Variants in CASQ2 observed in about 807,000 individuals in gnomAD.
CASQ2 encodes calsequestrin 2.
In CASQ2, 49 loss-of-function variants were observed where a neutral mutation model predicts 46.5. The observed-to-expected ratio is 1.05, with a 90% CI of 0.84 to 1.34. CASQ2 has a LOEUF of 1.34. Ranked by LOEUF, CASQ2 falls within the 40% of genes most tolerant of loss-of-function variation. The pLI, the probability that CASQ2 is intolerant of heterozygous loss-of-function variation, is 0.00. For synonymous variants in CASQ2, 174 were observed against 168.5 expected (o/e 1.03, Z -0.25); for missense variants, 486 against 481.3 (o/e 1.01, Z -0.09).
chr1:115,719,055 A>T (rs986103390), intron 7 of CASQ2, among the ~76,000 whole-genome samples: 1 of 152,108 alleles, frequency 6.6e-6, no homozygotes, highest in African/African-American at 2.4e-5. Context: ...CTCTGTTTCC[A>T]TTTCAATTGA....
chr1:115,735,568 T>C (rs1647928182), intron 4 of CASQ2, among the ~76,000 whole-genome samples: 1 of 152,228 alleles, frequency 6.6e-6, no homozygotes, highest in South Asian at 2.1e-4. Flanking sequence ...GAGGTTAAAA[T>C]GATTCACTAG....
At chr1:115,701,624 T>G (rs575544843) in intron 10 of CASQ2, among the ~76,000 whole-genome samples, 198 bp from the exon 11 acceptor site, 1 of 152,248 alleles carries the variant, frequency 6.6e-6, no homozygotes, top group Non-Finnish European at 1.5e-5. Flanking sequence ...AAAGGAAATG[T>G]GTATTCCATT....
chr1:115,711,806 T>C (rs926242326), intron 8 of CASQ2, among the ~76,000 whole-genome samples: 4 of 152,034 alleles, frequency 2.6e-5, no homozygotes, highest in Non-Finnish European at 4.4e-5. Context: ...AGGTGCATGC[T>C]ACCATGCCCA....
intron 10 of CASQ2, among the ~76,000 whole-genome samples, chr1:115,702,720 C>T (rs1654244800): frequency 6.6e-6 from 1 of 152,340 alleles, no homozygotes; most frequent in South Asian, 2.1e-4. Flanking sequence ...AAAATGTGCC[C>T]ATGGAAGAGA....
rs1289442551 is a variant in CASQ2, at chr1:115,766,722, A to G, written c.234+1586T>C. Among the ~76,000 whole-genome samples, 6 of 152,032 alleles carry G rather than the reference A, an allele frequency of 3.9e-5. No individual in the cohort carries two copies. The East Asian group carries it at 1.2e-3, about 29-fold the overall frequency. ...TAACTCCTGTGGTGAACTTTTCCTT[A>G]TCGGTCTCTGCTGGGCCGGCACCCA... On this transcript the variant is annotated intron_variant, in intron 1 of 10. Coordinates refer to ENST00000261448, the MANE Select transcript of CASQ2 (RefSeq NM_001232.4).
chr1:115,704,678 A>G (rs1043587504), intron 9 of CASQ2, among the ~76,000 whole-genome samples: 4 of 152,200 alleles, frequency 2.6e-5, no homozygotes, highest in African/African-American at 9.7e-5. Flanking sequence ...AAAAGTGTGG[A>G]CTTGAAGTTT....
chr1:115,756,568 A>G (rs1648767564), intron 1 of CASQ2, among the ~76,000 whole-genome samples: 1 of 152,174 alleles, frequency 6.6e-6, no homozygotes, highest in African/African-American at 2.4e-5. Context: ...CTTACTTTTA[A>G]TTTTACTGCC....
intron 1 of CASQ2, among the ~76,000 whole-genome samples, chr1:115,758,297 G>T (rs1321390673): frequency 6.6e-6 from 1 of 152,196 alleles, no homozygotes; most frequent in Non-Finnish European, 1.5e-5. Flanking sequence ...AATAACATAT[G>T]TAAAGCCCCA....
intron 7 of CASQ2, among the ~76,000 whole-genome samples, chr1:115,719,347 C>T (rs972970917): frequency 1.4e-4 from 21 of 152,138 alleles, no homozygotes; most frequent in African/African-American, 4.3e-4. Context: ...CAGAATATCC[C>T]GATCAGTTCT....
intron 1 of CASQ2, among the ~76,000 whole-genome samples, chr1:115,766,058 A>G (rs763110713): frequency 1.3e-5 from 2 of 151,978 alleles, no homozygotes; most frequent in Non-Finnish European, 2.9e-5. Flanking sequence ...CTCAACCTTC[A>G]CTAATGGAGC....
In CASQ2 at chr1:115,744,808, A is replaced by T. The variant is rs751551798; in HGVS notation, c.319+20T>A. Reference sequence around the variant, plus strand: ...CATTCGTTTCTTTCCCACATACAGTATCTCAAAAATCACACTTACCCAGTT... The same window carrying T: ...CATTCGTTTCTTTCCCACATACAGTTTCTCAAAAATCACACTTACCCAGTT... On this transcript the variant is annotated intron_variant, in intron 2 of 10. Transcript: ENST00000261448. 2 of 1,550,826 alleles carry T rather than the reference A, an allele frequency of 1.3e-6. No individual in the cohort carries two copies. The highest frequency in any genetic ancestry group is 1.1e-5 in the South Asian group (1 of 89,682).
At chr1:115,756,035 G>A (rs149096486) in intron 1 of CASQ2, among the ~76,000 whole-genome samples, 10 of 152,304 alleles carry the variant, frequency 6.6e-5, no homozygotes, top group African/African-American at 7.2e-5. Flanking sequence ...GTGTGTGGTC[G>A]GGCTAACAGT....
In CASQ2 at chr1:115,768,478, C is replaced by T. The variant is rs759318407; in HGVS notation, c.64G>A (p.Gly22Arg). Reference protein sequence around the residue: ...YFLSSCRAEEGLNFPTYDGKD... With the variant: ...YFLSSCRAEERLNFPTYDGKD... ...CCATCATATGTGGGGAAATTAAGCCCCTCTTCTGCCCTGCAAGAGGACAGA... is the reference window on the plus strand; with the variant it reads ...CCATCATATGTGGGGAAATTAAGCCTCTCTTCTGCCCTGCAAGAGGACAGA... The change falls in exon 1 of 11, where the codon GGG becomes AGG. Residue 22 changes from glycine to arginine, a missense_variant. Transcript: ENST00000261448. 7 of 1,613,796 alleles carry T rather than the reference C, an allele frequency of 4.3e-6. No homozygotes were observed. The African/African-American group carries it at 6.7e-5, about 15-fold the overall frequency.
At chr1:115,704,317 C>T (rs1295055564) in intron 9 of CASQ2, among the ~76,000 whole-genome samples, 6 of 152,166 alleles carry the variant, frequency 3.9e-5, no homozygotes, top group Non-Finnish European at 8.8e-5. Flanking sequence ...CTAAAGCAGT[C>T]GGTAGACCAG....
intron 10 of CASQ2, 96 bp downstream of exon 10, chr1:115,702,825 G>C: frequency 1.0e-6 from 1 of 957,778 alleles, no homozygotes; most frequent in East Asian, 2.5e-5. Flanking sequence ...TTCTGAAAAG[G>C]CTGGGCTACT....
chr1:115,744,150 A>G (rs893166042), intron 2 of CASQ2, among the ~76,000 whole-genome samples: 23 of 151,992 alleles, frequency 1.5e-4, no homozygotes, highest in African/African-American at 5.5e-4. Flanking sequence ...TCAAAAAAAA[A>G]AAAAAAAGAA....
intron 3 of CASQ2, among the ~76,000 whole-genome samples, chr1:115,739,647 T>C (rs1272582107): frequency 6.6e-6 from 1 of 152,242 alleles, no homozygotes; most frequent in Non-Finnish European, 1.5e-5. Flanking sequence ...TTCCTACTGC[T>C]GGCCATCTTA....
intron 1 of CASQ2, among the ~76,000 whole-genome samples, chr1:115,761,963 T>C (rs928574977): frequency 1.6e-4 from 25 of 152,354 alleles, no homozygotes; most frequent in Non-Finnish European, 1.0e-4. Flanking sequence ...AGAGATCCCC[T>C]GGACAGGCAC....
intron 8 of CASQ2, among the ~76,000 whole-genome samples, chr1:115,705,918 G>A (rs937594262): frequency 6.6e-6 from 1 of 151,492 alleles, no homozygotes; most frequent in African/African-American, 2.4e-5. Context: ...AAAGCAGAGA[G>A]GAGCTTTATA....
Sources: gnomAD v4.1 joint callset for allele counts (sites outside exome capture counted in the v4.1 genomes callset) on GRCh38, gnomAD v4.1.1 for gene constraint, MANE v1.5 for transcripts, NCBI Gene and HGNC (gene_info 2026-07-23, HGNC 2026-07-21) for gene names.